Variants in MALRD1 observed in about 807,000 individuals in gnomAD.
MALRD1 encodes MAM and LDL receptor class A domain containing 1.
In MALRD1, 247 loss-of-function variants were observed where a neutral mutation model predicts 242.1. That is an observed-to-expected ratio of 1.02 (90% confidence interval 0.92 to 1.13). The LOEUF is 1.13. MALRD1 is among the 50% of genes most tolerant of loss of function. The pLI, the probability that MALRD1 is intolerant of heterozygous loss-of-function variation, is 0.00. For missense variants in MALRD1, 2,989 were observed against 2,533.1 expected (o/e 1.18, Z -3.86); for synonymous variants, 995 against 866.6 (o/e 1.15, Z -2.60).
intron 16 of MALRD1, 42 bp downstream of exon 16, chr10:19,204,455 C>T: frequency 7.3e-7 from 1 of 1,363,580 alleles, no homozygotes; most frequent in Non-Finnish European, 1.0e-6. Context: ...AAACAGTTCA[C>T]CCTGGTGGTG....
At chr10:19,448,944 A>T (rs1473521286) in intron 28 of MALRD1, among the ~76,000 whole-genome samples, 1 of 152,060 alleles carries the variant, frequency 6.6e-6, no homozygotes, top group African/African-American at 2.4e-5. Flanking sequence ...GATTTCTCCA[A>T]CATGTTTCTC....
chr10:19,665,335 T>C (rs767383117), intron 36 of MALRD1, among the ~76,000 whole-genome samples: 18 of 152,306 alleles, frequency 1.2e-4, no homozygotes, highest in Admixed American at 8.5e-4. Context: ...TAATGGTAGA[T>C]GAGGGCTAGC....
At chr10:19,428,185 T>A (rs1057481591) in intron 28 of MALRD1, among the ~76,000 whole-genome samples, 1 of 151,850 alleles carries the variant, frequency 6.6e-6, no homozygotes, top group Non-Finnish European at 1.5e-5. Context: ...AATTAGGAGA[T>A]GGGTGGATGA....
At chr10:19,437,710 G>C (rs550965404) in intron 28 of MALRD1, among the ~76,000 whole-genome samples, 1 of 152,174 alleles carries the variant, frequency 6.6e-6, no homozygotes, top group East Asian at 1.9e-4. Context: ...GCTAGCTGCT[G>C]ATAAGGGCTG....
At position 19,123,492 on chromosome 10, in the gene MALRD1, A is replaced by G; in HGVS notation, c.695A>G (p.Asp232Gly). The stretch of plus-strand genomic sequence containing the variant: ...TCTTGCCAATCTTTAAATTTAACAG[A>G]TGGAATTTTACTGTGTCAAGAAGCA... The part of the protein sequence containing the change: ...SFSSGCLPAN[D>G]GILLCQEALN... The change falls in exon 6 of 40, where the codon GAT becomes GGT. Residue 232 changes from aspartate (D) to glycine (G), a missense_variant and splice_region_variant. Asp to Gly is a moderately conservative substitution (Grantham distance 94, BLOSUM62 -1). Coordinates refer to ENST00000454679, the MANE Select transcript of MALRD1 (RefSeq NM_001142308.3). 1.6e-6 allele frequency: 2 copies of G among 1,231,966 alleles called. No individual in the cohort carries two copies. Among genetic ancestry groups the G allele is most frequent in the East Asian group, 3.2e-5 (1 of 31,688 alleles). The allele number at this position is 1,231,966 out of a possible 1,614,324, so 76.3% of individuals were successfully genotyped here. A position where few individuals can be genotyped will look rare whatever the true frequency, so the allele number is the denominator to read the frequency against.
intron 29 of MALRD1, among the ~76,000 whole-genome samples, chr10:19,462,903 G>A (rs1836016807): frequency 6.6e-6 from 1 of 152,110 alleles, no homozygotes; most frequent in Non-Finnish European, 1.5e-5. Context: ...GAAAAAATAA[G>A]GCAGGGAAAG....
chr10:19,091,894 G>A (rs1835875398), intron 4 of MALRD1, among the ~76,000 whole-genome samples: 1 of 85,788 alleles, frequency 1.2e-5, no homozygotes. Flanking sequence ...ATGTAGTTGA[G>A]CGGCTTTGAG....
intron 2 of MALRD1, among the ~76,000 whole-genome samples, chr10:19,068,949 T>C (rs1313627490): frequency 6.6e-6 from 1 of 152,212 alleles, no homozygotes; most frequent in East Asian, 1.9e-4. Flanking sequence ...TAAAATGTAG[T>C]ACTGATTTTT....
At chr10:19,358,336 T>G (rs1353423534) in intron 26 of MALRD1, among the ~76,000 whole-genome samples, 1 of 151,994 alleles carries the variant, frequency 6.6e-6, no homozygotes, top group Non-Finnish European at 1.5e-5. Flanking sequence ...TGTAAAACAA[T>G]GAGGACTGAA....
At chr10:19,664,679 T>C (rs559284307) in intron 36 of MALRD1, among the ~76,000 whole-genome samples, 3 of 151,908 alleles carry the variant, frequency 2.0e-5, no homozygotes, top group Admixed American at 6.5e-5. Context: ...TGTTTCTATA[T>C]TGAAAAAATG....
Position 19,575,333 on chromosome 10 carries a change from G to A in MALRD1, c.5680+7630G>A, listed in dbSNP as rs577613280. ...CCCAGCATGGTTGATTTCAAGCTGT[G>A]CATGTGACATCACTGAAGGTGATAT... On this transcript the variant is annotated intron_variant, in intron 33 of 39. Transcript: ENST00000454679. Among the ~76,000 whole-genome samples, 73 of 152,080 alleles carry A rather than the reference G, an allele frequency of 4.8e-4. 1 individual carries two copies. Among genetic ancestry groups the A allele is most frequent in the Non-Finnish European group, 1.8e-4 (12 of 68,018 alleles).
intron 4 of MALRD1, among the ~76,000 whole-genome samples, chr10:19,101,573 TA>T (rs1298512813): frequency 1.5e-5 from 2 of 134,838 alleles, no homozygotes; most frequent in Non-Finnish European, 3.1e-5. Flanking sequence ...TATATTGTAT[TA>T]TATATAATCT....
At chr10:19,220,609 T>G (rs1837516899) in intron 18 of MALRD1, among the ~76,000 whole-genome samples, 1 of 152,196 alleles carries the variant, frequency 6.6e-6, no homozygotes, top group African/African-American at 2.4e-5. Flanking sequence ...AGAAGAACTT[T>G]CTTTTTAATA....
chr10:19,235,963 T>G (rs1323839493), intron 18 of MALRD1, among the ~76,000 whole-genome samples: 1 of 151,708 alleles, frequency 6.6e-6, no homozygotes, highest in Admixed American at 6.6e-5. Flanking sequence ...AGGGGAAGAG[T>G]ATAGAGCAAA....
At chr10:19,292,282 TCAAAATTAC>T (rs2131924622) in intron 21 of MALRD1, among the ~76,000 whole-genome samples, 1 of 152,260 alleles carries the variant, frequency 6.6e-6, no homozygotes, top group South Asian at 2.1e-4. Flanking sequence ...CTCGGTCTAA[TCAAAATTAC>T]CTTTGTCTTT....
At chr10:19,611,473 A>G (rs1455552327) in intron 35 of MALRD1, among the ~76,000 whole-genome samples, 1 of 152,062 alleles carries the variant, frequency 6.6e-6, no homozygotes, top group Non-Finnish European at 1.5e-5. Flanking sequence ...TGAAATACTC[A>G]GAATGATATT....
chr10:19,182,403 C>A (rs911058999), intron 14 of MALRD1, among the ~76,000 whole-genome samples: 4 of 139,334 alleles, frequency 2.9e-5, no homozygotes, highest in Non-Finnish European at 4.5e-5. Flanking sequence ...GGGCTTACTG[C>A]CAGCTCTGCC....
At position 19,425,190 on chromosome 10, in the gene MALRD1, A is replaced by G. The variant is rs143632597; in HGVS notation, c.4846-25117A>G. On this transcript the variant is annotated intron_variant, in intron 28 of 39. Transcript: ENST00000454679. Reference sequence around the variant, plus strand: ...CAGCTATTAAATGACAATGTGAAGTAAACCCAAGCCCTTTTTATTAGGCTT... The same window carrying G: ...CAGCTATTAAATGACAATGTGAAGTGAACCCAAGCCCTTTTTATTAGGCTT... Among the ~76,000 whole-genome samples the G allele has an allele frequency of 1.4e-4, 22 of 152,330 alleles. No individual in the cohort carries two copies. In the East Asian group the frequency reaches 4.2e-3, roughly 29 times the overall value.
intron 38 of MALRD1, among the ~76,000 whole-genome samples, chr10:19,699,996 A>G (rs1202752618): frequency 6.7e-6 from 1 of 150,250 alleles, no homozygotes; most frequent in Non-Finnish European, 1.5e-5. Context: ...CCAATGATAG[A>G]AGGGTCCCAA....
Sources: allele counts gnomAD v4.1 joint callset (sites outside exome capture counted in the v4.1 genomes callset), GRCh38; gene constraint gnomAD v4.1.1; transcripts MANE v1.5; gene names NCBI Gene and HGNC (gene_info 2026-07-23, HGNC 2026-07-21).